The following DOCK10 variants were observed in gnomAD, a reference collection of about 807,000 sequenced individuals.
DOCK10 encodes dedicator of cytokinesis protein 10.
DOCK10 carries 145 observed loss-of-function variants against 280.1 expected under a neutral mutation model. The observed-to-expected ratio is 0.52, with a 90% confidence interval of 0.45 to 0.59. The LOEUF is 0.59. Among genes scored for constraint, DOCK10 ranks in the 20% least tolerant of loss-of-function variants. The pLI is 0.00. For synonymous variants in DOCK10, 915 were observed against 942.2 expected, an observed-to-expected ratio of 0.97 and a Z score of 0.53; for missense variants, 2,368 against 2,651.7, an observed-to-expected ratio of 0.89 and a Z score of 2.35.
chr2:224,770,222 T>C lies in DOCK10; in HGVS notation c.6433A>G (p.Met2145Val). Residue 2145 changes from methionine to valine, a missense_variant, in exon 55 of 56, where the codon ATG (methionine) becomes GTG (valine). By Grantham distance (21) the Met-to-Val change is conservative. Coordinates refer to ENST00000258390, the MANE Select transcript of DOCK10 (RefSeq NM_014689.3). This position sits in a 1 kb window ranked among gnomAD's most constrained non-coding sequence, Gnocchi z 4.5. ...KDMLSELSTVMNEQITGRDDL... is the reference protein window; with the variant it reads ...KDMLSELSTVVNEQITGRDDL... The stretch of plus-strand genomic sequence containing the variant: ...CAAGGAGCGCTCACCTGCTCATTCA[T>C]GACTGTGGAGAGTTCGCTGAGCATG... 1 of 1,583,750 alleles carries C rather than the reference T, an allele frequency of 6.3e-7. No individual in the cohort carries two copies. The highest frequency in any genetic ancestry group is 8.6e-7 in the Non-Finnish European group (1 of 1,165,952).
intron 4 of DOCK10, among the ~76,000 whole-genome samples, chr2:224,895,839 G>GCA (rs1699953207): frequency 8.6e-6 from 1 of 116,190 alleles, no homozygotes; most frequent in East Asian, 2.5e-4. Context: ...GTGCGTGTGT[G>GCA]TGTATATATA....
intron 4 of DOCK10, among the ~76,000 whole-genome samples, 155 bp from the exon 5 acceptor site, chr2:224,886,686 G>A (rs893167024): frequency 1.2e-4 from 18 of 152,240 alleles, no homozygotes; most frequent in African/African-American, 4.1e-4. Context: ...TCCTTTGAAA[G>A]TATTAACTTT....
Position 224,844,771 on chromosome 2 carries a change from T to G in DOCK10, c.2550A>C (p.Val850=). The change falls in exon 22 of 56, where the codon GTA becomes GTC. Residue 850 remains valine, a synonymous_variant. Transcript: ENST00000258390. ...KPLFKVSTFV[V]STVNTQDPHV... is the part of the protein sequence containing the mutation. ...TACTCACCTGAGTATTTACTGTTGA[T>G]ACAACAAATGTCGACACTTTGAAAA... The G allele has an allele frequency of 6.3e-7, 1 of 1,598,954 alleles. No individual in the cohort carries two copies. Among genetic ancestry groups the G allele is most frequent in the Non-Finnish European group, 8.5e-7 (1 of 1,171,664 alleles).
chr2:224,883,021 A>G (rs1366959904), intron 7 of DOCK10, among the ~76,000 whole-genome samples: 3 of 152,244 alleles, frequency 2.0e-5, no homozygotes, highest in Non-Finnish European at 4.4e-5. Flanking sequence ...AATACTGGAT[A>G]AAGCTTCTTG....
At chr2:224,846,006 G>A (rs1378900716) in intron 19 of DOCK10, among the ~76,000 whole-genome samples, 4 of 152,256 alleles carry the variant, frequency 2.6e-5, no homozygotes, top group East Asian at 3.8e-4. Flanking sequence ...TTACAGGCAT[G>A]AGCCACCAAA....
At chr2:224,984,011 A>G (rs1430411216) in intron 1 of DOCK10, among the ~76,000 whole-genome samples, 1 of 152,190 alleles carries the variant, frequency 6.6e-6, no homozygotes, top group African/African-American at 2.4e-5. Context: ...CACTTGAGAC[A>G]AAGGGCAGAG....
chr2:224,771,147 TA>T (rs1191832549), intron 53 of DOCK10, among the ~76,000 whole-genome samples: 1 of 152,046 alleles, frequency 6.6e-6, no homozygotes, highest in Non-Finnish European at 1.5e-5. Context: ...GCGGTCTCAC[TA>T]CATTGTCCCG....
At chr2:224,811,897 T>G (rs1422924913) in intron 31 of DOCK10, among the ~76,000 whole-genome samples, 2 of 152,098 alleles carry the variant, frequency 1.3e-5, no homozygotes, top group Non-Finnish European at 2.9e-5. Flanking sequence ...AGCCTTGTAG[T>G]ATAGTTTGAA....
At chr2:224,803,288 T>C (rs1041063479) in intron 39 of DOCK10, among the ~76,000 whole-genome samples, 1 of 151,918 alleles carries the variant, frequency 6.6e-6, no homozygotes, top group African/African-American at 2.4e-5. Flanking sequence ...GTCCATTACA[T>C]TTTTTTTCAT....
intron 39 of DOCK10, among the ~76,000 whole-genome samples, chr2:224,802,569 G>A (rs1559442120): frequency 6.6e-6 from 1 of 152,128 alleles, no homozygotes; most frequent in Non-Finnish European, 1.5e-5. Context: ...TGGGAGGTAG[G>A]TAGTTAAAGG....
intron 7 of DOCK10, among the ~76,000 whole-genome samples, chr2:224,878,164 G>C (rs1468206008): frequency 1.3e-5 from 2 of 152,070 alleles, no homozygotes; most frequent in East Asian, 3.8e-4. Context: ...CTTTCTTTGG[G>C]ATACTCTCAC....
At chr2:224,874,398 G>A (rs1698498596) in intron 9 of DOCK10, 49 bp from the exon 10 acceptor site, 1 of 1,413,442 alleles carries the variant, frequency 7.1e-7, no homozygotes. Flanking sequence ...TCCAGATACA[G>A]CCCCTGACAC....
chr2:224,946,933 C>A, intron 1 of DOCK10: 1 of 1,543,412 alleles, frequency 6.5e-7, no homozygotes, highest in Non-Finnish European at 8.7e-7. Context: ...CGTTTAAAAA[C>A]CTTCCCTCGA....
chr2:224,856,835 T>C (rs753123725), intron 15 of DOCK10, 25 bp downstream of exon 15: 10 of 1,583,604 alleles, frequency 6.3e-6, no homozygotes, highest in Non-Finnish European at 8.6e-7. Flanking sequence ...TTTATGTTAA[T>C]TTCGAGAGTA....
chr2:225,039,610 C>A (rs1293824991), intron 1 of DOCK10, among the ~76,000 whole-genome samples: 1 of 152,090 alleles, frequency 6.6e-6, no homozygotes, highest in African/African-American at 2.4e-5. Flanking sequence ...ATTTGGCTTT[C>A]CCAGTCATTA....
intron 1 of DOCK10, among the ~76,000 whole-genome samples, chr2:225,031,585 A>T (rs1690078654): frequency 6.6e-6 from 1 of 152,228 alleles, no homozygotes; most frequent in Admixed American, 6.5e-5. Flanking sequence ...CCAGGGACAG[A>T]CACAGAACTA....
chr2:224,974,434 A>C (rs572866037), intron 1 of DOCK10, among the ~76,000 whole-genome samples: 144 of 152,314 alleles, frequency 9.5e-4, no homozygotes, highest in African/African-American at 3.4e-3. Context: ...AACTTATTGA[A>C]GGCTGACAAA....
Position 224,864,605 on chromosome 2 carries a change from C to T in DOCK10, c.1550G>A (p.Gly517Glu), listed in dbSNP as rs1275078989. The change falls in exon 13 of 56, where the codon GGA (glycine) becomes GAA (glutamate). Residue 517 changes from glycine (G) to glutamate (E), a missense_variant. Coordinates refer to ENST00000258390, the MANE Select transcript of DOCK10 (RefSeq NM_014689.3). ...LVAKIEKVLM[G>E]NIASGAEPYI... Reference sequence around the variant, plus strand: ...AGGTTCGGCACCACTTGCAATGTTTCCCATCAAGACTTTTTCGATTTTGGC... The same window carrying T: ...AGGTTCGGCACCACTTGCAATGTTTTCCATCAAGACTTTTTCGATTTTGGC... The T allele has an allele frequency of 6.2e-7, 1 of 1,613,288 alleles. No homozygotes were observed. Among genetic ancestry groups the T allele is most frequent in the Non-Finnish European group, 8.5e-7 (1 of 1,179,742 alleles).
chr2:224,967,909 T>A (rs1003743385), intron 1 of DOCK10, among the ~76,000 whole-genome samples: 1 of 152,144 alleles, frequency 6.6e-6, no homozygotes, highest in Admixed American at 6.6e-5. Context: ...CTTTTACAAT[T>A]TAAAAATATA....
Sources: allele counts gnomAD v4.1 joint callset (sites outside exome capture counted in the v4.1 genomes callset), GRCh38; gene constraint gnomAD v4.1.1; non-coding constraint Gnocchi (gnomAD v3.1); transcripts MANE v1.5; gene names NCBI Gene and HGNC (gene_info 2026-07-23, HGNC 2026-07-21).